Variants in IMPA2 observed in about 807,000 individuals in gnomAD.
IMPA2 encodes the protein IMP 2.
A neutral mutation model predicts 35.1 loss-of-function variants in IMPA2; 32 were observed. That is an observed-to-expected ratio of 0.91 (90% CI 0.69 to 1.23). The LOEUF is 1.23. IMPA2 is among the 50% of genes most tolerant of loss of function. The pLI is 0.00. For synonymous variants in IMPA2, 135 were observed against 160.6 expected (o/e 0.84, Z 1.20); for missense variants, 334 against 387.6 (o/e 0.86, Z 1.16).
At chr18:11,998,631 T>G (rs1907024347) in intron 1 of IMPA2, among the ~76,000 whole-genome samples, 1 of 152,238 alleles carries the variant, frequency 6.6e-6, no homozygotes, top group South Asian at 2.1e-4. Context: ...CATGGGATTA[T>G]ACAGGGCACA....
chr18:11,993,117 C>T (rs1406825251), intron 1 of IMPA2, among the ~76,000 whole-genome samples: 2 of 152,084 alleles, frequency 1.3e-5, no homozygotes, highest in Non-Finnish European at 2.9e-5. Flanking sequence ...AGTTTGTGGA[C>T]CAAGACCTTT....
chr18:12,016,665 C>T (rs890534159), intron 5 of IMPA2, among the ~76,000 whole-genome samples: 1 of 151,988 alleles, frequency 6.6e-6, no homozygotes, highest in South Asian at 2.1e-4. Flanking sequence ...GTGATCCACC[C>T]GCCTCGGCCT....
At chr18:12,014,041 A>C (rs998555074) in intron 4 of IMPA2, among the ~76,000 whole-genome samples, 6 of 152,170 alleles carry the variant, frequency 3.9e-5, no homozygotes, top group Non-Finnish European at 7.4e-5. Context: ...AATATATTTT[A>C]AAATTGTACT....
intron 2 of IMPA2, among the ~76,000 whole-genome samples, chr18:12,000,316 G>A (rs1018117925): frequency 6.0e-5 from 9 of 149,778 alleles, no homozygotes; most frequent in Admixed American, 1.3e-4. Context: ...GGGATTACAG[G>A]AGCCACTCCA....
chr18:12,007,637 TTC>T (rs1380769388), intron 2 of IMPA2, among the ~76,000 whole-genome samples: 2 of 52,528 alleles, frequency 3.8e-5, no homozygotes, highest in African/African-American at 1.3e-4. Flanking sequence ...TCTTCTTTCT[TTC>T]TTTCTTTCTT....
chr18:12,013,011 G>A (rs149635254), intron 4 of IMPA2, among the ~76,000 whole-genome samples: 6 of 152,324 alleles, frequency 3.9e-5, no homozygotes, highest in African/African-American at 1.4e-4. Flanking sequence ...GTCTAAGGAT[G>A]CAATGATTGA....
chr18:12,014,144 G>T, intron 4 of IMPA2, 121 bp from the exon 5 acceptor site: 1 of 719,212 alleles, frequency 1.4e-6, no homozygotes. Flanking sequence ...GGTAATTTCT[G>T]TCACAGTGTA....
intron 2 of IMPA2, 32 bp from the exon 3 acceptor site, chr18:12,009,850 TG>T (rs1392378497): frequency 2.6e-6 from 4 of 1,540,206 alleles, no homozygotes; most frequent in Non-Finnish European, 2.7e-6. Context: ...GTGTCCTTGG[TG>T]CATTTTCTCA....
intron 1 of IMPA2, among the ~76,000 whole-genome samples, chr18:11,989,551 C>T (rs974699969): frequency 3.3e-5 from 5 of 152,182 alleles, no homozygotes; most frequent in Admixed American, 6.5e-5. Context: ...TCCAAGGGTC[C>T]GAGGCCCACT....
chr18:11,995,906 AT>A (rs1259777767), intron 1 of IMPA2, among the ~76,000 whole-genome samples: 2 of 152,212 alleles, frequency 1.3e-5, no homozygotes, highest in Non-Finnish European at 2.9e-5. Flanking sequence ...CTGTATGTGT[AT>A]CTGCTGAATG....
rs1466577181 is a variant in IMPA2, at chr18:12,030,553, TCA to T, written c.*97_*98del. On this transcript the variant is annotated 3_prime_UTR_variant, in exon 8 of 8. Transcript: ENST00000269159. The stretch of plus-strand genomic sequence containing the variant: ...GTGGCCCACGCTCCATGCCAGTGGC[TCA>T]CGCTCTGCTCCTGGCTACCCCAGAG... 1 of 910,364 alleles carries T rather than the reference TCA, an allele frequency of 1.1e-6. No homozygotes were observed. Among genetic ancestry groups the T allele is most frequent in the Non-Finnish European group, 1.8e-6 (1 of 565,900 alleles). 56.4% of individuals were successfully genotyped at this position (910,364 alleles called of 1,614,324 possible).
chr18:12,030,201 C>G (rs1313587787), intron 7 of IMPA2, 142 bp from the exon 8 acceptor site: 2 of 654,294 alleles, frequency 3.1e-6, no homozygotes, highest in East Asian at 5.5e-5. Flanking sequence ...TCCTAGACCA[C>G]CTGTTTAATA....
At chr18:12,023,058 G>T (rs933255552) in intron 5 of IMPA2, among the ~76,000 whole-genome samples, 1 of 144,192 alleles carries the variant, frequency 6.9e-6, no homozygotes, top group African/African-American at 2.5e-5. Flanking sequence ...GCCTCCTAAA[G>T]TGCTGGGATT....
At chr18:12,026,811 G>A (rs773513958) in intron 5 of IMPA2, among the ~76,000 whole-genome samples, 35 of 152,348 alleles carry the variant, frequency 2.3e-4, no homozygotes, top group Non-Finnish European at 4.9e-4. Context: ...TCTGTGGAGG[G>A]CCTGCTGCCA....
chr18:12,029,120 T>G (rs906997728), intron 7 of IMPA2, 127 bp downstream of exon 7: 18 of 913,748 alleles, frequency 2.0e-5, no homozygotes, highest in South Asian at 1.1e-4. Context: ...TTTTTTTTTT[T>G]TTTTTTTTTT....
intron 4 of IMPA2, chr18:12,012,467 T>G: frequency 1.9e-6 from 1 of 524,194 alleles, no homozygotes; most frequent in South Asian, 3.1e-5. Context: ...AACCGTGGTC[T>G]ATTTGTGACA....
At position 12,010,026 on chromosome 18, in the gene IMPA2, C is replaced by T; in HGVS notation, c.335+39C>T. 6.8e-7 allele frequency: 1 copy of T among 1,462,458 alleles called. No individual in the cohort carries two copies. Among genetic ancestry groups the T allele is most frequent in the African/African-American group, 1.4e-5 (1 of 72,114 alleles). The allele number at this position is 1,462,458 out of a possible 1,614,324, so 90.6% of individuals were successfully genotyped here. ...GGATCGCCTCCATTGCAGGGCTTAA[C>T]ATGTCCTCTTCTGTGAGGTTTTGTC... On this transcript the variant is annotated intron_variant, in intron 3 of 7. Coordinates refer to ENST00000269159, the MANE Select transcript of IMPA2 (RefSeq NM_014214.3). This position sits in a 1 kb window ranked among gnomAD's most constrained non-coding sequence, Gnocchi z 4.8.
At position 11,999,825 on chromosome 18, in the gene IMPA2, T is replaced by A. The variant is rs372037609; in HGVS notation, c.230+638T>A. Among the ~76,000 whole-genome samples the A allele has an allele frequency of 2.0e-5, 3 of 152,358 alleles. No homozygotes were observed. In the East Asian group the frequency reaches 5.8e-4, roughly 29 times the overall value. ...CTATTAATCTTTTGTTCAGAAAAAT[T>A]AAAATATTTACACAGCATTTTGCAT... On this transcript the variant is annotated intron_variant, in intron 2 of 7. Transcript: ENST00000269159.
At chr18:11,998,669 C>T (rs948442286) in intron 1 of IMPA2, among the ~76,000 whole-genome samples, 1 of 152,106 alleles carries the variant, frequency 6.6e-6, no homozygotes, top group Non-Finnish European at 1.5e-5. Flanking sequence ...TGTTTTGGGC[C>T]GTTCTTACAG....
Sources: allele counts gnomAD v4.1 joint callset (sites outside exome capture counted in the v4.1 genomes callset), GRCh38; gene constraint gnomAD v4.1.1; non-coding constraint Gnocchi (gnomAD v3.1); transcripts MANE v1.5; gene names NCBI Gene and HGNC (gene_info 2026-07-23, HGNC 2026-07-21).